PLEKHA7: variants seen among roughly 807,000 people sequenced by gnomAD.
PLEKHA7 encodes the protein pleckstrin homology domain containing A7, also known as pleckstrin homology domain-containing family A member 7.
PLEKHA7 carries 104 observed loss-of-function variants against 170.0 expected under a neutral mutation model. The ratio of observed to expected loss-of-function variants is 0.61; its 90% CI spans 0.52 to 0.72. The LOEUF is 0.72. PLEKHA7 is among the 30% of genes least tolerant of loss of function. The pLI is 0.00. For synonymous variants in PLEKHA7, 648 were observed against 660.8 expected, an observed-to-expected ratio of 0.98 and a Z score of 0.30; for missense variants, 1,615 against 1,671.7, an observed-to-expected ratio of 0.97 and a Z score of 0.59.
At chr11:16,947,478 C>T (rs1861103229) in intron 3 of PLEKHA7, among the ~76,000 whole-genome samples, 2 of 151,772 alleles carry the variant, frequency 1.3e-5, no homozygotes, top group Non-Finnish European at 2.9e-5. Context: ...GTAATCCCAG[C>T]TACTCAGGAG....
chr11:16,888,371 A>G (rs1039168653), intron 3 of PLEKHA7, among the ~76,000 whole-genome samples: 9 of 2,440 alleles, frequency 3.7e-3, no homozygotes, highest in Admixed American at 0.022. Flanking sequence ...GAGCGGGCCA[A>G]TGATGACGAT....
intron 4 of PLEKHA7, among the ~76,000 whole-genome samples, chr11:16,857,906 A>C (rs1853605602): frequency 2.0e-5 from 3 of 152,162 alleles, no homozygotes; most frequent in African/African-American, 7.2e-5. Context: ...TTTAGCAGAG[A>C]CAGGGTTTCA....
chr11:16,907,156 G>A (rs1857825385), intron 3 of PLEKHA7, among the ~76,000 whole-genome samples: 2 of 93,532 alleles, frequency 2.1e-5, no homozygotes. Context: ...GTCCGGAAGG[G>A]AGGTGGGGGG....
chr11:16,822,501 G>GA (rs1564962408), intron 10 of PLEKHA7, among the ~76,000 whole-genome samples: 206 of 126,294 alleles, frequency 1.6e-3, no homozygotes, highest in Middle Eastern at 0.013. Context: ...TTTTGGTAGG[G>GA]GAAAAAAAAA....
rs759987751 is a variant in PLEKHA7, at chr11:16,892,426, G to GTTTTGTTT, written c.222-21245_222-21244insAAACAAAA. ...TTATTTTGTGTGTGTGTGTGTGTGT[G>GTTTTGTTT]TGTGTGTGTTTTGTTTTGTTTTGTT... On this transcript the variant is annotated intron_variant, in intron 3 of 26. Coordinates refer to ENST00000531066, the MANE Select transcript of PLEKHA7 (RefSeq NM_001329630.2). Among the ~76,000 whole-genome samples the GTTTTGTTT allele has an allele frequency of 4.6e-3, 353 of 77,106 alleles. 2 individuals carry two copies. Among genetic ancestry groups the GTTTTGTTT allele is most frequent in the Non-Finnish European group, 8.9e-3 (270 of 30,380 alleles). The allele number at this position is 77,106 out of a possible 152,430, so 50.6% of individuals were successfully genotyped here.
intron 3 of PLEKHA7, among the ~76,000 whole-genome samples, chr11:16,947,012 C>A (rs1044415000): frequency 6.6e-6 from 1 of 152,166 alleles, no homozygotes; most frequent in East Asian, 1.9e-4. Context: ...CGCAGCTGCG[C>A]CAGCACCCCC....
At chr11:16,852,544 T>C (rs899460932) in intron 6 of PLEKHA7, among the ~76,000 whole-genome samples, 189 bp from the exon 7 acceptor site, 5 of 152,232 alleles carry the variant, frequency 3.3e-5, no homozygotes, top group Non-Finnish European at 7.3e-5. Context: ...TGGTTTATCC[T>C]AAGAAAGCAG....
chr11:16,902,947 A>C (rs1055600723), intron 3 of PLEKHA7, among the ~76,000 whole-genome samples: 1 of 152,226 alleles, frequency 6.6e-6, no homozygotes, highest in Admixed American at 6.5e-5. Context: ...TCTTCCCATA[A>C]GGAGAGAGCC....
chr11:16,833,654 C>T (rs749837121), intron 9 of PLEKHA7, among the ~76,000 whole-genome samples: 30 of 152,162 alleles, frequency 2.0e-4, no homozygotes, highest in Non-Finnish European at 4.0e-4. Context: ...TCATGGACAA[C>T]CTGCAATCCC....
chr11:16,982,468 T>C (rs139135951), intron 3 of PLEKHA7, among the ~76,000 whole-genome samples: 307 of 152,368 alleles, frequency 2.0e-3, no homozygotes, highest in African/African-American at 5.6e-3. Context: ...CCAGGGTGAC[T>C]AGCACATTCA....
At position 16,851,235 on chromosome 11, in the gene PLEKHA7, G is replaced by GA; in HGVS notation, c.651dup (p.Pro218SerfsTer5). On this transcript the variant is annotated frameshift_variant, in exon 8 of 27. Coordinates refer to ENST00000531066, the MANE Select transcript of PLEKHA7 (RefSeq NM_001329630.2). LOFTEE classifies it high-confidence loss of function. ...CTTATGCGATCCTCAGGGGCCACAGGAGAGATCACGTAGCTGGGCAAGGGG... is the reference window on the plus strand; with the variant it reads ...CTTATGCGATCCTCAGGGGCCACAGGAAGAGATCACGTAGCTGGGCAAGGGG... 1 of 1,611,964 alleles carries GA rather than the reference G, an allele frequency of 6.2e-7. No individual in the cohort carries two copies. Among genetic ancestry groups the GA allele is most frequent in the East Asian group, 2.2e-5 (1 of 44,800 alleles).
intron 9 of PLEKHA7, among the ~76,000 whole-genome samples, chr11:16,836,052 T>G (rs901540578): frequency 6.6e-6 from 1 of 152,226 alleles, no homozygotes; most frequent in African/African-American, 2.4e-5. Flanking sequence ...TCCCTGGCCA[T>G]GGAAGATGGT....
intron 3 of PLEKHA7, among the ~76,000 whole-genome samples, chr11:16,964,717 C>A (rs1862264776): frequency 6.6e-6 from 1 of 152,208 alleles, no homozygotes; most frequent in African/African-American, 2.4e-5. Flanking sequence ...GGAGGTCCAG[C>A]CAGCTGTGCG....
chr11:16,826,691 C>A, intron 9 of PLEKHA7, 101 bp from the exon 10 acceptor site: 1 of 1,072,330 alleles, frequency 9.3e-7, no homozygotes, highest in East Asian at 2.4e-5. Context: ...CAGGCTATTC[C>A]CTCTGCTCAG....
intron 3 of PLEKHA7, among the ~76,000 whole-genome samples, chr11:16,996,663 G>A (rs1405913375): frequency 5.9e-5 from 9 of 152,244 alleles, no homozygotes; most frequent in Admixed American, 1.3e-4. Flanking sequence ...GAGGCCGGGC[G>A]CAGTGGCTCA....
At chr11:16,926,347 G>T (rs912432049) in intron 3 of PLEKHA7, among the ~76,000 whole-genome samples, 1 of 152,182 alleles carries the variant, frequency 6.6e-6, no homozygotes, top group African/African-American at 2.4e-5. Context: ...TCCTGGTCCT[G>T]CAGGCAATCA....
intron 3 of PLEKHA7, among the ~76,000 whole-genome samples, chr11:16,875,433 A>T (rs771844751): frequency 4.2e-5 from 5 of 119,516 alleles, no homozygotes; most frequent in Non-Finnish European, 9.3e-5. Flanking sequence ...CTGAAGTCTT[A>T]AAAATTTCTT....
chr11:16,858,531 T>C (rs193075181), intron 4 of PLEKHA7, among the ~76,000 whole-genome samples: 2 of 151,946 alleles, frequency 1.3e-5, no homozygotes, highest in Admixed American at 6.6e-5. Context: ...TCGCTCTTGT[T>C]GCCCAGGCTG....
chr11:16,986,045 C>T (rs1863706135), intron 3 of PLEKHA7, among the ~76,000 whole-genome samples: 1 of 152,276 alleles, frequency 6.6e-6, no homozygotes, highest in African/African-American at 2.4e-5. Flanking sequence ...TGGAAGGGGG[C>T]ATTCCTACAA....
Sources: gnomAD v4.1 joint callset for allele counts (sites outside exome capture counted in the v4.1 genomes callset) on GRCh38, gnomAD v4.1.1 for gene constraint, MANE v1.5 for transcripts, NCBI Gene and HGNC (gene_info 2026-07-23, HGNC 2026-07-21) for gene names.